Variants in ARMC9 observed in about 807,000 individuals in gnomAD.
ARMC9 encodes lisH domain-containing protein ARMC9.
In ARMC9, 94 loss-of-function variants were observed where a neutral mutation model predicts 107.0. That is an observed-to-expected ratio of 0.88 (90% CI 0.74 to 1.04). ARMC9 has a LOEUF of 1.04. Among genes scored for constraint, ARMC9 ranks in the 50% least tolerant of loss-of-function variants. The probability of loss-of-function intolerance (pLI) is 0.00; values close to 1 mark genes in which losing one functional copy is unlikely to be tolerated. For missense variants in ARMC9, 942 were observed against 1,030.1 expected, an observed-to-expected ratio of 0.91 and a Z score of 1.17; for synonymous variants, 380 against 396.9, an observed-to-expected ratio of 0.96 and a Z score of 0.51.
At chr2:231,262,474 T>C in intron 12 of ARMC9, 76 bp downstream of exon 12, 1 of 1,348,112 alleles carries the variant, frequency 7.4e-7, no homozygotes, top group Non-Finnish European at 1.1e-6. Context: ...GGGGGAAGCT[T>C]ATAATTTCTC....
chr2:231,340,656 G>A (rs574647276), intron 20 of ARMC9, among the ~76,000 whole-genome samples: 2 of 152,196 alleles, frequency 1.3e-5, no homozygotes, highest in East Asian at 1.9e-4. Context: ...GGAGGCTGAG[G>A]CAAGTGGATC....
chr2:231,334,285 C>T (rs957987879), intron 20 of ARMC9, among the ~76,000 whole-genome samples: 4 of 152,208 alleles, frequency 2.6e-5, no homozygotes, highest in African/African-American at 9.7e-5. Context: ...TTTTGAAAGG[C>T]AGAAATCCAA....
chr2:231,230,009 G>A (rs1159408954), intron 7 of ARMC9, among the ~76,000 whole-genome samples: 1 of 152,124 alleles, frequency 6.6e-6, no homozygotes, highest in Non-Finnish European at 1.5e-5. Context: ...TCACTGGCAT[G>A]ACTAAGATGG....
intron 19 of ARMC9, among the ~76,000 whole-genome samples, chr2:231,329,427 C>T (rs1310219230): frequency 6.6e-6 from 1 of 152,124 alleles, no homozygotes; most frequent in Non-Finnish European, 1.5e-5. Flanking sequence ...CCTCCTGCCT[C>T]AGCCTCTGAG....
intron 5 of ARMC9, among the ~76,000 whole-genome samples, chr2:231,219,473 T>C (rs1043794046): frequency 6.6e-6 from 1 of 152,252 alleles, no homozygotes; most frequent in African/African-American, 2.4e-5. Flanking sequence ...CCTAGCTAGA[T>C]TGCATCATTT....
intron 19 of ARMC9, among the ~76,000 whole-genome samples, chr2:231,300,273 T>C (rs950569357): frequency 6.6e-6 from 1 of 152,244 alleles, no homozygotes; most frequent in African/African-American, 2.4e-5. Flanking sequence ...AATCGTATGC[T>C]CAGCAATTTC....
intron 19 of ARMC9, among the ~76,000 whole-genome samples, chr2:231,330,566 C>T (rs1392032807): frequency 6.6e-6 from 1 of 152,132 alleles, no homozygotes; most frequent in Non-Finnish European, 1.5e-5. Context: ...GGGTGGGGGC[C>T]TCCTTACCAC....
At chr2:231,313,665 C>A (rs2042485486) in intron 19 of ARMC9, among the ~76,000 whole-genome samples, 1 of 152,124 alleles carries the variant, frequency 6.6e-6, no homozygotes, top group African/African-American at 2.4e-5. Context: ...CCCCACAAAC[C>A]CCAGGTAACC....
chr2:231,257,636 G>A (rs189541279), intron 10 of ARMC9, among the ~76,000 whole-genome samples: 18 of 152,260 alleles, frequency 1.2e-4, no homozygotes, highest in African/African-American at 4.1e-4. Context: ...CCCTGTGACT[G>A]GGGATTACTT....
chr2:231,224,655 G>A (rs1227527737), intron 6 of ARMC9, among the ~76,000 whole-genome samples: 4 of 152,114 alleles, frequency 2.6e-5, no homozygotes, highest in Non-Finnish European at 5.9e-5. Context: ...AAATATAGCA[G>A]GTAACTATAA....
intron 16 of ARMC9, among the ~76,000 whole-genome samples, chr2:231,278,914 A>C (rs1229873778): frequency 6.6e-6 from 1 of 152,152 alleles, no homozygotes; most frequent in Non-Finnish European, 1.5e-5. Flanking sequence ...GGACCTTTCT[A>C]TGTTGCTTTA....
chr2:231,245,766 A>G (rs1289916232), intron 9 of ARMC9, among the ~76,000 whole-genome samples: 2 of 152,194 alleles, frequency 1.3e-5, no homozygotes, highest in African/African-American at 2.4e-5. Flanking sequence ...GTAATGGTGT[A>G]GTATGCATTT....
chr2:231,202,227 C>T (rs1400726505), intron 1 of ARMC9, among the ~76,000 whole-genome samples: 1 of 151,656 alleles, frequency 6.6e-6, no homozygotes, highest in African/African-American at 2.4e-5. Flanking sequence ...CTTGAACTCC[C>T]AGCATCAGGC....
chr2:231,304,504 C>G (rs2041939459), intron 19 of ARMC9, among the ~76,000 whole-genome samples: 1 of 152,220 alleles, frequency 6.6e-6, no homozygotes, highest in South Asian at 2.1e-4. Flanking sequence ...TCAAGTGGTT[C>G]TTTTGCCTCA....
Position 231,372,534 on chromosome 2 carries a change from G to A in ARMC9, c.*999G>A, listed in dbSNP as rs2046060556. On this transcript the variant is annotated 3_prime_UTR_variant, in exon 25 of 25. Coordinates refer to ENST00000611582, the MANE Select transcript of ARMC9 (RefSeq NM_001352754.2). Reference sequence around the variant, plus strand: ...AAACATAAACAGCTCTACCAGCAAAGTGACCCATCCCGCGGGGGAGGCCTG... The same window carrying A: ...AAACATAAACAGCTCTACCAGCAAAATGACCCATCCCGCGGGGGAGGCCTG... 1 of 152,366 alleles carries A rather than the reference G, an allele frequency of 6.6e-6. No homozygotes were observed. The allele number at this position is 152,366 out of a possible 1,614,324, so 9.4% of individuals were successfully genotyped here.
chr2:231,211,935 A>G lies in ARMC9; in HGVS notation c.178-2896A>G, dbSNP rs746242070. Among the ~76,000 whole-genome samples the G allele has an allele frequency of 3.0e-4, 46 of 152,200 alleles. 1 individual carries two copies. The highest frequency in any genetic ancestry group is 1.4e-3 in the Admixed American group (21 of 15,282). Reference sequence around the variant, plus strand: ...GCATATCTTTTCTGCTCATCCAGTCAACAGCTGTGTCCCCCACTATGGTAG... The same window carrying G: ...GCATATCTTTTCTGCTCATCCAGTCGACAGCTGTGTCCCCCACTATGGTAG... On this transcript the variant is annotated intron_variant, in intron 3 of 24. Transcript: ENST00000611582.
At chr2:231,365,576 A>AT (rs1480766264) in intron 23 of ARMC9, among the ~76,000 whole-genome samples, 1 of 152,136 alleles carries the variant, frequency 6.6e-6, no homozygotes, top group East Asian at 1.9e-4. Context: ...CGGACATTTC[A>AT]TCTGGATTAT....
chr2:231,336,525 A>G (rs565867323), intron 20 of ARMC9, among the ~76,000 whole-genome samples: 51 of 152,324 alleles, frequency 3.3e-4, no homozygotes, highest in African/African-American at 1.2e-3. Context: ...GCAAGTTGAG[A>G]GAGCTGCGAC....
intron 7 of ARMC9, 79 bp downstream of exon 7, chr2:231,226,877 GGA>G (rs2034697523): frequency 6.7e-7 from 1 of 1,485,554 alleles, no homozygotes; most frequent in African/African-American, 1.4e-5. Flanking sequence ...GTGCAAAGAT[GGA>G]GAGAATTCAT....
Sources: gnomAD v4.1 joint callset for allele counts (sites outside exome capture counted in the v4.1 genomes callset) on GRCh38, gnomAD v4.1.1 for gene constraint, MANE v1.5 for transcripts, NCBI Gene and HGNC (gene_info 2026-07-23, HGNC 2026-07-21) for gene names.